The following ZNF202 variants were observed in gnomAD, a reference collection of about 807,000 sequenced individuals.
The protein encoded by ZNF202 is zinc finger protein 202.
Under a neutral mutation model 54.5 loss-of-function variants are expected in ZNF202, and 22 were observed. The observed-to-expected ratio is 0.40, with a 90% confidence interval of 0.29 to 0.58. The LOEUF is 0.58. Among genes scored for constraint, ZNF202 ranks in the 20% least tolerant of loss-of-function variants. The probability of loss-of-function intolerance (pLI) is 0.39; values close to 1 mark genes in which losing one functional copy is unlikely to be tolerated. For missense variants in ZNF202, 644 were observed against 805.5 expected (o/e 0.80, Z 2.43); for synonymous variants, 294 against 301.4 (o/e 0.98, Z 0.26).
chr11:123,737,529 G>A (rs1261774683), intron 3 of ZNF202, among the ~76,000 whole-genome samples: 1 of 152,194 alleles, frequency 6.6e-6, no homozygotes, highest in African/African-American at 2.4e-5. Context: ...GGTCAAGTAT[G>A]TAGTGGATAG....
At position 123,729,182 on chromosome 11, in the gene ZNF202, C is replaced by T; in HGVS notation, c.646G>A (p.Ala216Thr). ...VPVPEDPDLP[A>T]ERSSGDSEMV... ...TCTGAGTCTCCAGAGCTCCTCTCTG[C>T]AGGAAGGTCTGGGTCCTCGGGCACT... The change falls in exon 6 of 9, where the codon GCA (alanine) becomes ACA (threonine). Residue 216 changes from alanine (A) to threonine (T), a missense_variant. Coordinates refer to ENST00000530393, the MANE Select transcript of ZNF202 (RefSeq NM_003455.4). 6.2e-7 allele frequency: 1 copy of T among 1,613,858 alleles called. No individual in the cohort carries two copies. The highest frequency in any genetic ancestry group is 8.5e-7 in the Non-Finnish European group (1 of 1,180,006).
At chr11:123,728,830 A>C (rs1044898227) in intron 6 of ZNF202, among the ~76,000 whole-genome samples, 10 of 152,094 alleles carry the variant, frequency 6.6e-5, no homozygotes, top group African/African-American at 1.2e-4. Context: ...TAAAAAAAAA[A>C]AAAACTAAAA....
intron 3 of ZNF202, among the ~76,000 whole-genome samples, chr11:123,735,202 C>G (rs1299157482): frequency 2.6e-5 from 4 of 152,134 alleles, no homozygotes; most frequent in Non-Finnish European, 5.9e-5. Flanking sequence ...AAAAGGACTT[C>G]TAGTATCTTA....
At position 123,724,648 on chromosome 11, in the gene ZNF202, T is replaced by C. The variant is rs1443639536; in HGVS notation, c.*1349A>G. On this transcript the variant is annotated 3_prime_UTR_variant, in exon 9 of 9. Transcript: ENST00000530393. ...TTGCCACTCCCACAATCAGAGAAGGTGAGGTTCATAATTATTCAGCCTCAT... is the reference window on the plus strand; with the variant it reads ...TTGCCACTCCCACAATCAGAGAAGGCGAGGTTCATAATTATTCAGCCTCAT... The C allele has an allele frequency of 6.6e-6, 1 of 152,224 alleles. No individual in the cohort carries two copies. The highest frequency in any genetic ancestry group is 1.5e-5 in the Non-Finnish European group (1 of 68,054). The allele number at this position is 152,224 out of a possible 1,614,324, so 9.4% of individuals were successfully genotyped here.
chr11:123,730,597 G>C lies in ZNF202; in HGVS notation c.292C>G (p.Leu98Val). Reference protein sequence around the residue: ...LLVLEQFLTVLPGELQSWVRG... With the variant: ...LLVLEQFLTVVPGELQSWVRG... ...ACCCAGCTCTGTAGTTCTCCAGGTA[G>C]GACGGTAAGAAATTGTTCCAGCACA... The change falls in exon 4 of 9, where the codon CTA (leucine) becomes GTA (valine). Residue 98 changes from leucine to valine, a missense_variant. Leu to Val is a conservative substitution (Grantham distance 32). Around this residue, in one of 3 missense-constraint regions of ZNF202, gnomAD observed 62 missense variants for 122.8 expected, o/e 0.50. Coordinates refer to ENST00000530393, the MANE Select transcript of ZNF202 (RefSeq NM_003455.4). This position sits in a 1 kb window ranked among gnomAD's most constrained non-coding sequence, Gnocchi z 6.0. 6.2e-7 allele frequency: 1 copy of C among 1,611,816 alleles called. No homozygotes were observed.
intron 3 of ZNF202, among the ~76,000 whole-genome samples, chr11:123,733,898 A>G (rs1368499829): frequency 6.6e-6 from 1 of 152,202 alleles, no homozygotes; most frequent in Non-Finnish European, 1.5e-5. Flanking sequence ...AGGCTGCTTA[A>G]TTCTGTAACT....
chr11:123,731,071 C>A, intron 3 of ZNF202, 86 bp from the exon 4 acceptor site: 1 of 609,252 alleles, frequency 1.6e-6, no homozygotes, highest in Middle Eastern at 3.9e-4. Flanking sequence ...TAATCCTCTA[C>A]ACAAACTTCT....
At chr11:123,737,655 AAAAT>A (rs1861687580) in intron 3 of ZNF202, among the ~76,000 whole-genome samples, 3 of 145,656 alleles carry the variant, frequency 2.1e-5, no homozygotes, top group Admixed American at 7.0e-5. Context: ...ACAAAAATGA[AAAAT>A]AAAAATTGTA....
intron 3 of ZNF202, among the ~76,000 whole-genome samples, chr11:123,736,052 T>C (rs1861623089): frequency 1.3e-5 from 2 of 152,142 alleles, no homozygotes; most frequent in African/African-American, 4.8e-5. Flanking sequence ...TGAGTGTTCC[T>C]AGGATGCATA....
chr11:123,731,254 C>T (rs994857160), intron 3 of ZNF202, among the ~76,000 whole-genome samples: 6 of 152,168 alleles, frequency 3.9e-5, no homozygotes, highest in South Asian at 2.1e-4. Flanking sequence ...CCAATTCCCC[C>T]GCTTAAGTCT....
At chr11:123,736,365 AATT>A (rs1359755589) in intron 3 of ZNF202, among the ~76,000 whole-genome samples, 1 of 152,148 alleles carries the variant, frequency 6.6e-6, no homozygotes, top group East Asian at 1.9e-4. Context: ...TTAGAACTGA[AATT>A]ATTATATTTA....
chr11:123,735,256 C>T (rs887904202), intron 3 of ZNF202, among the ~76,000 whole-genome samples: 9 of 152,178 alleles, frequency 5.9e-5, no homozygotes, highest in Non-Finnish European at 1.3e-4. Context: ...TTGGAATCCT[C>T]ATTGTTTTCA....
Position 123,730,045 on chromosome 11 carries a change from A to T in ZNF202, c.403-220T>A, listed in dbSNP as rs1591379066. ...CGCAGGCCTGCACTGCTCTCTCACC[A>T]CCCCCAGCCTGGGCCCCTGTCACCC... On this transcript the variant is annotated intron_variant, in intron 4 of 8. Coordinates refer to ENST00000530393, the MANE Select transcript of ZNF202 (RefSeq NM_003455.4). The surrounding 1 kb of genome is among the most constrained non-coding windows in gnomAD (Gnocchi z 6.0). Among the ~76,000 whole-genome samples, 1 of 151,544 alleles carries T rather than the reference A, an allele frequency of 6.6e-6. No homozygotes were observed. Among genetic ancestry groups the T allele is most frequent in the Non-Finnish European group, 1.5e-5 (1 of 67,872 alleles).
Position 123,726,957 on chromosome 11 carries a change from C to T in ZNF202, c.987G>A (p.Glu329=), listed in dbSNP as rs748064511. The change falls in exon 9 of 9, where the codon GAG becomes GAA. Residue 329 remains glutamate, a synonymous_variant. Transcript: ENST00000530393. This position sits in a 1 kb window ranked among gnomAD's most constrained non-coding sequence, Gnocchi z 6.0. ...TATCCTCCAAACTCAGATCTTCCTG[C>T]TCCAGACACTCTTCCTCATCTTTAC... ...DRSKDEEECL[E]QEDLSLEDIH... 2 of 1,613,540 alleles carry T rather than the reference C, an allele frequency of 1.2e-6. No homozygotes were observed. The highest frequency in any genetic ancestry group is 1.7e-6 in the Non-Finnish European group (2 of 1,179,920).
intron 3 of ZNF202, among the ~76,000 whole-genome samples, chr11:123,731,477 T>C (rs1398082454): frequency 6.6e-6 from 1 of 152,204 alleles, no homozygotes; most frequent in Non-Finnish European, 1.5e-5. Flanking sequence ...TAACTGTATG[T>C]TTAGAGATGC....
Position 123,729,205 on chromosome 11 carries a change from A to T in ZNF202, c.623T>A (p.Val208Glu). 6.2e-7 allele frequency: 1 copy of T among 1,613,510 alleles called. No individual in the cohort carries two copies. Among genetic ancestry groups the T allele is most frequent in the Admixed American group, 1.7e-5 (1 of 60,002 alleles). The change falls in exon 6 of 9, where the codon GTG (valine) becomes GAG (glutamate). Residue 208 changes from valine (V) to glutamate (E), a missense_variant. Physicochemically the swap from Val to Glu is moderately radical, Grantham distance 121. Around this residue, in one of 3 missense-constraint regions of ZNF202, gnomAD observed 536 missense variants for 635.3 expected, o/e 0.84. Coordinates refer to ENST00000530393, the MANE Select transcript of ZNF202 (RefSeq NM_003455.4). ...LQTLQESEVP[V>E]PEDPDLPAER... is the part of the protein sequence containing the mutation. ...TGCAGGAAGGTCTGGGTCCTCGGGC[A>T]CTGGGACCTCTATGAAGAAAAGAAG... is the stretch of plus-strand genomic sequence containing the variant.
chr11:123,732,794 G>A (rs552540105), intron 3 of ZNF202, among the ~76,000 whole-genome samples: 4 of 151,966 alleles, frequency 2.6e-5, no homozygotes, highest in Non-Finnish European at 5.9e-5. Flanking sequence ...TCTTCCTATG[G>A]TAACAGGAAG....
chr11:123,736,706 C>G (rs1241774949), intron 3 of ZNF202, among the ~76,000 whole-genome samples: 1 of 151,588 alleles, frequency 6.6e-6, no homozygotes, highest in African/African-American at 2.4e-5. Flanking sequence ...GAATCCCTGA[C>G]CTCGAATCCC....
chr11:123,729,776 T>A lies in ZNF202; in HGVS notation c.452A>T (p.His151Leu). 6.2e-7 allele frequency: 1 copy of A among 1,613,816 alleles called. No individual in the cohort carries two copies. Among genetic ancestry groups the A allele is most frequent in the Non-Finnish European group, 8.5e-7 (1 of 1,179,864 alleles). ...AGGTGACTCAGGCTCCACTCCTAAA[T>A]GCACCGTCTCCTCTGACAGGACTTC... The part of the protein sequence containing the change: ...GQEVLSEETV[H>L]LGVEPESPNE... Residue 151 changes from histidine to leucine, a missense_variant, in exon 5 of 9, where the codon CAT becomes CTT. This residue lies in a region of ZNF202 where 536 missense variants were observed against 635.3 expected (regional missense o/e 0.84). Coordinates refer to ENST00000530393, the MANE Select transcript of ZNF202 (RefSeq NM_003455.4).
Sources: allele counts gnomAD v4.1 joint callset (sites outside exome capture counted in the v4.1 genomes callset), GRCh38; gene constraint gnomAD v4.1.1; regional missense constraint gnomAD v4.1.1; non-coding constraint Gnocchi (gnomAD v3.1); transcripts MANE v1.5; gene names NCBI Gene and HGNC (gene_info 2026-07-23, HGNC 2026-07-21).